DLGAP2: variants seen among roughly 807,000 people sequenced by gnomAD.
The protein encoded by DLGAP2 is DLG associated protein 2.
In DLGAP2, 26 loss-of-function variants were observed where a neutral mutation model predicts 100.3. That is an observed-to-expected ratio of 0.26 (90% CI 0.19 to 0.36). DLGAP2 has a LOEUF of 0.36. Among genes scored for constraint, DLGAP2 ranks in the 10% least tolerant of loss-of-function variants. The probability of loss-of-function intolerance (pLI) is 1.00; values close to 1 mark genes in which losing one functional copy is unlikely to be tolerated. For missense variants in DLGAP2, 1,858 were observed against 1,453.2 expected, an observed-to-expected ratio of 1.28 and a Z score of -4.53; for synonymous variants, 886 against 630.1, an observed-to-expected ratio of 1.41 and a Z score of -6.08.
chr8:1,168,316 A>G (rs948390034), intron 2 of DLGAP2, among the ~76,000 whole-genome samples: 4 of 151,742 alleles, frequency 2.6e-5, no homozygotes, highest in Non-Finnish European at 5.9e-5. Context: ...AGTCTTTGCT[A>G]TTGTGAATAG....
chr8:1,323,744 T>C (rs1800960525), intron 3 of DLGAP2, among the ~76,000 whole-genome samples: 1 of 152,204 alleles, frequency 6.6e-6, no homozygotes. Context: ...CAATGACTGG[T>C]CGCTGCCTGT....
At chr8:876,498 C>G (rs76486519) in intron 1 of DLGAP2, among the ~76,000 whole-genome samples, 1 of 152,108 alleles carries the variant, frequency 6.6e-6, no homozygotes, top group Non-Finnish European at 1.5e-5. Context: ...GAGAAGTCAA[C>G]TATTAATCAG....
intron 3 of DLGAP2, among the ~76,000 whole-genome samples, chr8:1,310,032 C>G (rs115320897): frequency 0.01 from 1,453 of 143,438 alleles, 28 homozygotes; most frequent in African/African-American, 0.038. Flanking sequence ...GTATACCAGC[C>G]TGGGCTACAG....
intron 2 of DLGAP2, among the ~76,000 whole-genome samples, chr8:1,029,847 G>T (rs1241252119): frequency 6.6e-6 from 1 of 152,130 alleles, no homozygotes; most frequent in African/African-American, 2.4e-5. Context: ...GTTACTGTTC[G>T]AGCTGGGGAA....
intron 4 of DLGAP2, among the ~76,000 whole-genome samples, chr8:1,534,312 C>T (rs1299075479): frequency 6.6e-6 from 1 of 152,184 alleles, no homozygotes; most frequent in African/African-American, 2.4e-5. Context: ...CTTTTGGCTT[C>T]AGGAATAATG....
intron 4 of DLGAP2, among the ~76,000 whole-genome samples, chr8:1,523,207 G>T (rs1273621285): frequency 6.6e-6 from 1 of 152,222 alleles, no homozygotes; most frequent in South Asian, 2.1e-4. Context: ...CCTGCCAGGG[G>T]CCCACAGCAT....
chr8:1,479,205 C>A (rs751541570), intron 3 of DLGAP2, among the ~76,000 whole-genome samples: 3 of 152,214 alleles, frequency 2.0e-5, no homozygotes, highest in South Asian at 2.1e-4. Context: ...TCAGTCAGGT[C>A]TAACACGATG....
At chr8:1,041,724 C>T (rs559308265) in intron 2 of DLGAP2, among the ~76,000 whole-genome samples, 6 of 123,292 alleles carry the variant, frequency 4.9e-5, no homozygotes, top group South Asian at 6.2e-4. Flanking sequence ...GAGTGTTCTC[C>T]GAGCCCCTTG....
At chr8:850,131 G>C (rs377486748) in intron 1 of DLGAP2, among the ~76,000 whole-genome samples, 16 of 151,738 alleles carry the variant, frequency 1.1e-4, no homozygotes, top group African/African-American at 3.6e-4. Context: ...CTGTATTCTG[G>C]GTCTGAGTCC....
chr8:1,548,331 C>CAT (rs370965049), intron 4 of DLGAP2, among the ~76,000 whole-genome samples: 78,444 of 148,468 alleles, frequency 0.53, 21,002 homozygotes, highest in African/African-American at 0.61. Flanking sequence ...TGGTGGCAGG[C>CAT]GCCTGTAGTC....
At chr8:1,184,388 A>C (rs182050943) in intron 2 of DLGAP2, among the ~76,000 whole-genome samples, 1 of 152,236 alleles carries the variant, frequency 6.6e-6, no homozygotes, top group Non-Finnish European at 1.5e-5. Context: ...CCGCAAGCTC[A>C]TGTCTTCCTT....
intron 2 of DLGAP2, among the ~76,000 whole-genome samples, chr8:1,184,516 C>G (rs574709558): frequency 6.6e-6 from 1 of 152,340 alleles, no homozygotes; most frequent in Admixed American, 6.5e-5. Flanking sequence ...GCGCTGTTCT[C>G]AGGGCAGTTG....
intron 3 of DLGAP2, 127 bp from the exon 4 acceptor site, chr8:1,501,239 T>A: frequency 9.9e-7 from 1 of 1,007,702 alleles, no homozygotes; most frequent in East Asian, 2.6e-5. Flanking sequence ...CGGTGACGTT[T>A]GAAGAAATAC....
chr8:1,689,880 T>C (rs907933079), intron 12 of DLGAP2, among the ~76,000 whole-genome samples: 35 of 152,174 alleles, frequency 2.3e-4, no homozygotes, highest in African/African-American at 8.0e-4. Context: ...CTGGGCACGC[T>C]CTATGGAAGA....
chr8:1,651,657 G>A (rs1798168037), intron 8 of DLGAP2, among the ~76,000 whole-genome samples: 2 of 152,152 alleles, frequency 1.3e-5, no homozygotes, highest in Admixed American at 1.3e-4. Context: ...CCCTAGCTCC[G>A]TTCTCTGCGT....
At chr8:1,111,656 A>T (rs1313116074) in intron 2 of DLGAP2, among the ~76,000 whole-genome samples, 1 of 151,892 alleles carries the variant, frequency 6.6e-6, no homozygotes, top group Admixed American at 6.6e-5. Context: ...AACATGCAGT[A>T]TTTGTTTTTC....
chr8:1,495,401 C>G (rs1047372125), intron 3 of DLGAP2, among the ~76,000 whole-genome samples: 3 of 152,212 alleles, frequency 2.0e-5, no homozygotes, highest in African/African-American at 7.2e-5. Context: ...CCCCAGGGCC[C>G]TTTCTCTTCC....
chr8:1,173,793 C>G (rs1797186489), intron 2 of DLGAP2, among the ~76,000 whole-genome samples: 1 of 152,190 alleles, frequency 6.6e-6, no homozygotes, highest in Non-Finnish European at 1.5e-5. Flanking sequence ...TCACCCCTTT[C>G]TTTGACTAGG....
At chr8:1,188,905 C>T (rs1384491270) in intron 2 of DLGAP2, among the ~76,000 whole-genome samples, 2 of 152,248 alleles carry the variant, frequency 1.3e-5, no homozygotes, top group Non-Finnish European at 2.9e-5. Context: ...ACATCTTCTC[C>T]TCACACAGGT....
Sources: gnomAD v4.1 joint callset for allele counts (sites outside exome capture counted in the v4.1 genomes callset) on GRCh38, gnomAD v4.1.1 for gene constraint, MANE v1.5 for transcripts, NCBI Gene and HGNC (gene_info 2026-07-23, HGNC 2026-07-21) for gene names.